Variants in GALNT17 observed in about 807,000 individuals in gnomAD.
The protein encoded by GALNT17 is UDP-GalNAc:polypeptide N-acetylgalactosaminyltransferase-like 3.
In GALNT17, 29 loss-of-function variants were observed where a neutral mutation model predicts 63.7. The ratio of observed to expected loss-of-function variants is 0.46; its 90% CI spans 0.34 to 0.62. The LOEUF is 0.62. Among genes scored for constraint, GALNT17 ranks in the 20% least tolerant of loss-of-function variants. The pLI is 0.01. For synonymous variants in GALNT17, 305 were observed against 318.3 expected (o/e 0.96, Z 0.45); for missense variants, 603 against 799.6 (o/e 0.75, Z 2.97).
chr7:71,497,096 G>T lies in GALNT17; in HGVS notation c.963-74189G>T, dbSNP rs76551373. Among the ~76,000 whole-genome samples the T allele has an allele frequency of 3.2e-4, 49 of 152,132 alleles. 2 individuals carry two copies. In the East Asian group the frequency reaches 9.5e-3, roughly 30 times the overall value. On this transcript the variant is annotated intron_variant, in intron 5 of 10. Coordinates refer to ENST00000333538, the MANE Select transcript of GALNT17 (RefSeq NM_022479.3). The stretch of plus-strand genomic sequence containing the variant: ...TCTAAAAGAAGAAAATGATCTGAAA[G>T]TTAGGAAAATGATCTGAAAGTTAGG...
At chr7:71,455,927 C>T (rs1299022640) in intron 5 of GALNT17, among the ~76,000 whole-genome samples, 3 of 152,170 alleles carry the variant, frequency 2.0e-5, no homozygotes, top group Non-Finnish European at 4.4e-5. Flanking sequence ...GGATACATCA[C>T]CTACCCCTCA....
chr7:71,425,801 C>T (rs1583941847), intron 5 of GALNT17, among the ~76,000 whole-genome samples: 1 of 152,034 alleles, frequency 6.6e-6, no homozygotes, highest in East Asian at 1.9e-4. Flanking sequence ...TAGTTCTTGC[C>T]CTGCTGTAAA....
At chr7:71,329,617 GGGAA>G (rs1563007219) in intron 1 of GALNT17, among the ~76,000 whole-genome samples, 1 of 152,086 alleles carries the variant, frequency 6.6e-6, no homozygotes, top group East Asian at 1.9e-4. Context: ...GAAGGCGAAA[GGGAA>G]GCAGGCACAA....
chr7:71,141,255 T>C (rs1339419802), intron 1 of GALNT17, among the ~76,000 whole-genome samples: 2 of 151,880 alleles, frequency 1.3e-5, no homozygotes, highest in African/African-American at 4.8e-5. Flanking sequence ...TAATCCCAGC[T>C]ACTCGGGGGG....
chr7:71,524,370 A>C (rs930223552), intron 5 of GALNT17, among the ~76,000 whole-genome samples: 1 of 150,966 alleles, frequency 6.6e-6, no homozygotes, highest in Non-Finnish European at 1.5e-5. Flanking sequence ...ATTACTATTA[A>C]ATAGTTTTAC....
At chr7:71,427,182 C>T (rs148283833) in intron 5 of GALNT17, among the ~76,000 whole-genome samples, 8 of 150,590 alleles carry the variant, frequency 5.3e-5, no homozygotes, top group African/African-American at 1.5e-4. Flanking sequence ...CAGGTTGAAG[C>T]GATTCTCTTG....
chr7:71,196,518 C>G (rs1789051916), intron 1 of GALNT17, among the ~76,000 whole-genome samples: 4 of 152,142 alleles, frequency 2.6e-5, no homozygotes, highest in Admixed American at 2.6e-4. Context: ...CCTATGTCTC[C>G]TCCTACTGAA....
At chr7:71,538,625 C>A (rs569816983) in intron 5 of GALNT17, among the ~76,000 whole-genome samples, 1 of 152,280 alleles carries the variant, frequency 6.6e-6, no homozygotes, top group South Asian at 2.1e-4. Context: ...CCCTTATCAA[C>A]CTCCCTTTTT....
At chr7:71,557,903 TC>T (rs1166101697) in intron 5 of GALNT17, among the ~76,000 whole-genome samples, 1 of 151,828 alleles carries the variant, frequency 6.6e-6, no homozygotes, top group Non-Finnish European at 1.5e-5. Context: ...TGAAACCCCA[TC>T]TCTACTAAAA....
intron 9 of GALNT17, among the ~76,000 whole-genome samples, chr7:71,695,009 A>C (rs536992179): frequency 6.6e-6 from 1 of 152,378 alleles, no homozygotes; most frequent in Non-Finnish European, 1.5e-5. Flanking sequence ...AATTCATGTC[A>C]TCAGCGGTCT....
chr7:71,505,926 A>C (rs1788258594), intron 5 of GALNT17, among the ~76,000 whole-genome samples: 1 of 152,160 alleles, frequency 6.6e-6, no homozygotes, highest in African/African-American at 2.4e-5. Context: ...TAAGCTTCAT[A>C]TACACTTGAG....
chr7:71,625,032 G>C (rs965798140), intron 6 of GALNT17, among the ~76,000 whole-genome samples: 2 of 152,134 alleles, frequency 1.3e-5, no homozygotes, highest in Admixed American at 1.3e-4. Context: ...ATTTTGACCT[G>C]GTAGAGCCCT....
chr7:71,386,655 G>T (rs140630672), intron 2 of GALNT17, among the ~76,000 whole-genome samples: 1 of 152,144 alleles, frequency 6.6e-6, no homozygotes, highest in Non-Finnish European at 1.5e-5. Flanking sequence ...GTCCATACTG[G>T]ATGAGAGGAA....
intron 1 of GALNT17, among the ~76,000 whole-genome samples, chr7:71,258,670 A>G (rs763829504): frequency 1.3e-5 from 2 of 152,154 alleles, no homozygotes; most frequent in Non-Finnish European, 2.9e-5. Flanking sequence ...GGAAATCTTT[A>G]CAGAGAGGAT....
chr7:71,419,034 T>C (rs1472001552), intron 4 of GALNT17, among the ~76,000 whole-genome samples: 1 of 152,078 alleles, frequency 6.6e-6, no homozygotes, highest in African/African-American at 2.4e-5. Context: ...TGAGCTGAGA[T>C]CATGCCATTG....
At chr7:71,544,050 C>G (rs931415481) in intron 5 of GALNT17, among the ~76,000 whole-genome samples, 1 of 151,950 alleles carries the variant, frequency 6.6e-6, no homozygotes, top group African/African-American at 2.4e-5. Flanking sequence ...GCCTCAGCCC[C>G]CCAAAGGGCC....
chr7:71,171,031 A>G (rs1788538159), intron 1 of GALNT17, among the ~76,000 whole-genome samples: 3 of 152,180 alleles, frequency 2.0e-5, no homozygotes, highest in Non-Finnish European at 4.4e-5. Flanking sequence ...GTGACTTAAA[A>G]TGAGTTTGAG....
intron 2 of GALNT17, among the ~76,000 whole-genome samples, chr7:71,370,199 G>A (rs2707447): frequency 0.044 from 6,711 of 152,282 alleles, 520 homozygotes; most frequent in African/African-American, 0.15. Context: ...AGCTAACTCA[G>A]TTTCCAAACA....
chr7:71,262,429 T>C (rs718981), intron 1 of GALNT17, among the ~76,000 whole-genome samples: 122,708 of 152,030 alleles, frequency 0.81, 49,705 homozygotes, highest in East Asian at 0.97. Context: ...TTCTTATGTA[T>C]ATGTCACTTG....
Sources: allele counts gnomAD v4.1 joint callset (sites outside exome capture counted in the v4.1 genomes callset), GRCh38; gene constraint gnomAD v4.1.1; transcripts MANE v1.5; gene names NCBI Gene and HGNC (gene_info 2026-07-23, HGNC 2026-07-21).